SDCCAG8: variants seen among roughly 807,000 people sequenced by gnomAD.
The protein encoded by SDCCAG8 is serologically defined colon cancer antigen 8.
SDCCAG8 carries 74 observed loss-of-function variants against 101.8 expected under a neutral mutation model. The observed-to-expected ratio is 0.73, with a 90% CI of 0.60 to 0.88. The LOEUF (loss-of-function observed/expected upper bound fraction) is 0.88. Ranked by LOEUF, SDCCAG8 falls within the 40% of genes least tolerant of loss-of-function variation. The probability of loss-of-function intolerance (pLI) is 0.00; values close to 1 mark genes in which losing one functional copy is unlikely to be tolerated. For missense variants in SDCCAG8, 787 were observed against 822.6 expected, an observed-to-expected ratio of 0.96 and a Z score of 0.53; for synonymous variants, 281 against 292.9, an observed-to-expected ratio of 0.96 and a Z score of 0.41.
chr1:243,426,770 T>G (rs750316073), intron 16 of SDCCAG8, among the ~76,000 whole-genome samples: 2 of 152,254 alleles, frequency 1.3e-5, no homozygotes, highest in Non-Finnish European at 2.9e-5. Flanking sequence ...CTCTTTTTGT[T>G]ATTCTCTGAA....
chr1:243,362,609 C>G (rs563834909), intron 12 of SDCCAG8, among the ~76,000 whole-genome samples: 3 of 152,188 alleles, frequency 2.0e-5, no homozygotes, highest in African/African-American at 7.2e-5. Flanking sequence ...AATAATTGCT[C>G]AATACACACT....
chr1:243,294,482 G>GGGGGAGAGAGAGAGAAAGAGCGAGA (rs1259035129), intron 6 of SDCCAG8, among the ~76,000 whole-genome samples: 2 of 99,952 alleles, frequency 2.0e-5, no homozygotes, highest in Non-Finnish European at 3.9e-5. Flanking sequence ...GTGGGGGGGG[G>GGGGGAGAGAGAGAGAAAGAGCGAGA]GAGAGAGAGA....
intron 16 of SDCCAG8, among the ~76,000 whole-genome samples, chr1:243,464,997 A>T (rs1659854918): frequency 6.6e-6 from 1 of 152,140 alleles, no homozygotes; most frequent in South Asian, 2.1e-4. Context: ...TGTAACAGTG[A>T]CTCCCAGTGT....
At chr1:243,262,211 A>G (rs1471860582) in intron 1 of SDCCAG8, among the ~76,000 whole-genome samples, 1 of 147,398 alleles carries the variant, frequency 6.8e-6, no homozygotes, top group East Asian at 2.0e-4. Flanking sequence ...AGTTCAAGCG[A>G]TTCTCCTGCC....
intron 1 of SDCCAG8, among the ~76,000 whole-genome samples, chr1:243,262,160 G>A (rs968133774): frequency 7.4e-6 from 1 of 135,276 alleles, no homozygotes; most frequent in African/African-American, 2.7e-5. Flanking sequence ...AGGCTGGAGT[G>A]CAGTGATGTG....
chr1:243,377,501 A>G (rs1384293177), intron 12 of SDCCAG8, among the ~76,000 whole-genome samples: 1 of 152,078 alleles, frequency 6.6e-6, no homozygotes, highest in Non-Finnish European at 1.5e-5. Flanking sequence ...AGTTTTTCAA[A>G]TAAGCCAATA....
intron 8 of SDCCAG8, among the ~76,000 whole-genome samples, chr1:243,309,240 A>G (rs757777224): frequency 2.6e-5 from 4 of 152,168 alleles, no homozygotes; most frequent in Admixed American, 6.5e-5. Flanking sequence ...TCTACTGCCA[A>G]CTTACCATGG....
intron 16 of SDCCAG8, among the ~76,000 whole-genome samples, chr1:243,477,447 A>C (rs1351688597): frequency 1.3e-5 from 2 of 152,220 alleles, no homozygotes; most frequent in Non-Finnish European, 1.5e-5. Context: ...TCTAAGATTC[A>C]TAACGTGTCA....
chr1:243,427,474 G>T (rs2081413587), intron 16 of SDCCAG8, among the ~76,000 whole-genome samples: 1 of 151,996 alleles, frequency 6.6e-6, no homozygotes, highest in South Asian at 2.1e-4. Context: ...TGTAGACTTG[G>T]ACTTCCACAT....
chr1:243,290,449 A>G (rs949510006), intron 5 of SDCCAG8, among the ~76,000 whole-genome samples: 1 of 152,134 alleles, frequency 6.6e-6, no homozygotes, highest in South Asian at 2.1e-4. Flanking sequence ...GAAAATTAGT[A>G]CCACCCTCCT....
At chr1:243,498,343 T>C (rs1307198799) in intron 17 of SDCCAG8, among the ~76,000 whole-genome samples, 1 of 152,204 alleles carries the variant, frequency 6.6e-6, no homozygotes, top group Admixed American at 6.5e-5. Context: ...GGACTCCTCA[T>C]GGGCCACTCA....
Position 243,330,655 on chromosome 1 carries a change from A to G in SDCCAG8, c.1184A>G (p.Lys395Arg), listed in dbSNP as rs752053645. The G allele has an allele frequency of 6.2e-7, 1 of 1,614,160 alleles. No homozygotes were observed. Among genetic ancestry groups the G allele is most frequent in the Non-Finnish European group, 8.5e-7 (1 of 1,179,986 alleles). ...GCCATTGAGAAAGACATGATGAAAA[A>G]GGAAATAACGAAAGAAAGGGAGTAC... ...KRAIEKDMMK[K>R]EITKEREYMG... Residue 395 changes from lysine (K) to arginine (R), a missense_variant, in exon 10 of 18, where the codon AAG becomes AGG. Transcript: ENST00000366541.
chr1:243,260,807 T>C (rs1378202703), intron 1 of SDCCAG8, among the ~76,000 whole-genome samples: 3 of 152,228 alleles, frequency 2.0e-5, no homozygotes, highest in African/African-American at 4.8e-5. Context: ...TTTTACCTTT[T>C]TCTGTCAACA....
chr1:243,311,472 A>G (rs575825845), intron 8 of SDCCAG8, among the ~76,000 whole-genome samples: 1 of 152,232 alleles, frequency 6.6e-6, no homozygotes, highest in Non-Finnish European at 1.5e-5. Context: ...GACGAAGGCA[A>G]TGAAATTGAA....
chr1:243,461,748 A>C (rs1301935764), intron 16 of SDCCAG8, among the ~76,000 whole-genome samples: 1 of 152,110 alleles, frequency 6.6e-6, no homozygotes, highest in African/African-American at 2.4e-5. Context: ...ACCATGGTAC[A>C]TTTTTAAAAC....
At chr1:243,326,574 G>A (rs561412627) in intron 9 of SDCCAG8, among the ~76,000 whole-genome samples, 114 of 152,298 alleles carry the variant, frequency 7.5e-4, no homozygotes, top group African/African-American at 2.7e-3. Flanking sequence ...TTTCTGGTTA[G>A]CAAGGGTTTA....
Position 243,416,038 on chromosome 1 carries a change from T to G in SDCCAG8, c.1744+209T>G, listed in dbSNP as rs2080561472. ...CCACTGTCTGTTGATTTCAGAGTGC[T>G]GCTCTCACATCTGTTGCACCATCTG... is the stretch of plus-strand genomic sequence containing the variant. On this transcript the variant is annotated intron_variant, in intron 14 of 17. Coordinates refer to ENST00000366541, the MANE Select transcript of SDCCAG8 (RefSeq NM_006642.5). The surrounding 1 kb of genome is among the most constrained non-coding windows in gnomAD (Gnocchi z 4.3). Among the ~76,000 whole-genome samples, 1 of 152,228 alleles carries G rather than the reference T, an allele frequency of 6.6e-6. No homozygotes were observed. The highest frequency in any genetic ancestry group is 1.5e-5 in the Non-Finnish European group (1 of 68,036).
chr1:243,409,588 A>G (rs1478886135), intron 13 of SDCCAG8, among the ~76,000 whole-genome samples: 1 of 152,164 alleles, frequency 6.6e-6, no homozygotes, highest in Non-Finnish European at 1.5e-5. Flanking sequence ...AGACTGGTAC[A>G]AGGACATTAC....
intron 16 of SDCCAG8, among the ~76,000 whole-genome samples, chr1:243,435,597 T>C (rs1363328704): frequency 6.6e-6 from 1 of 152,224 alleles, no homozygotes; most frequent in Non-Finnish European, 1.5e-5. Flanking sequence ...AGTTAGTCTG[T>C]GAACCAAAAT....
Sources: gnomAD v4.1 joint callset for allele counts (sites outside exome capture counted in the v4.1 genomes callset) on GRCh38, gnomAD v4.1.1 for gene constraint, Gnocchi (gnomAD v3.1) non-coding constraint, MANE v1.5 for transcripts, NCBI Gene and HGNC (gene_info 2026-07-23, HGNC 2026-07-21) for gene names.